The following COL5A2 variants were observed in gnomAD, a reference collection of about 807,000 sequenced individuals.
COL5A2 encodes collagen type V alpha 2 chain, also known as collagen alpha-2(V) chain.
Under a neutral mutation model 208.2 loss-of-function variants are expected in COL5A2, and 23 were observed. The ratio of observed to expected loss-of-function variants is 0.11; its 90% CI spans 0.08 to 0.16. The LOEUF (loss-of-function observed/expected upper bound fraction) is 0.16, where lower values mean the gene tolerates loss of function less well. COL5A2 is among the 10% of genes least tolerant of loss of function. The probability of loss-of-function intolerance (pLI) is 1.00; values close to 1 mark genes in which losing one functional copy is unlikely to be tolerated. For synonymous variants in COL5A2, 625 were observed against 628.5 expected, an observed-to-expected ratio of 0.99 and a Z score of 0.08; for missense variants, 1,590 against 1,956.4, an observed-to-expected ratio of 0.81 and a Z score of 3.53.
chr2:189,076,772 A>AT (rs1686414485), intron 16 of COL5A2, among the ~76,000 whole-genome samples: 1 of 152,128 alleles, frequency 6.6e-6, no homozygotes, highest in Admixed American at 6.6e-5. Flanking sequence ...GCAATAGGAT[A>AT]TGTGGGTCAA....
chr2:189,051,212 A>T, intron 42 of COL5A2, 108 bp downstream of exon 42: 1 of 1,404,034 alleles, frequency 7.1e-7, no homozygotes, highest in Middle Eastern at 1.8e-4. Flanking sequence ...AAATTTTAGG[A>T]ATGTGCCCAG....
intron 18 of COL5A2, among the ~76,000 whole-genome samples, chr2:189,071,675 A>G (rs1467798367): frequency 1.3e-5 from 2 of 152,118 alleles, no homozygotes; most frequent in African/African-American, 4.8e-5. Flanking sequence ...ATTGTTTGGA[A>G]CATTCTGCTG....
At chr2:189,286,205 T>A in the COL5A2 span, among the ~76,000 whole-genome samples, 1 of 152,118 alleles carries the variant, frequency 6.6e-6, no homozygotes, top group Non-Finnish European at 1.5e-5. Context: ...TTTAGTTGCA[T>A]CCTAACTGTC....
the COL5A2 span, among the ~76,000 whole-genome samples, chr2:189,421,959 T>C: frequency 2.0e-5 from 3 of 152,176 alleles, no homozygotes; most frequent in Non-Finnish European, 4.4e-5. Flanking sequence ...AGGACTGCAA[T>C]GGCCACGGTG....
intron 27 of COL5A2, 43 bp from the exon 28 acceptor site, chr2:189,063,106 CA>C: frequency 6.2e-7 from 1 of 1,612,822 alleles, no homozygotes. Flanking sequence ...TTCAATTTGT[CA>C]AAAACATACC....
At chr2:189,397,444 C>A in the COL5A2 span, among the ~76,000 whole-genome samples, 1 of 152,086 alleles carries the variant, frequency 6.6e-6, no homozygotes, top group South Asian at 2.1e-4. Flanking sequence ...CCAGACATTG[C>A]CAACTTTTAA....
intron 1 of COL5A2, among the ~76,000 whole-genome samples, chr2:189,170,870 T>C (rs891403813): frequency 6.6e-6 from 1 of 152,066 alleles, no homozygotes; most frequent in African/African-American, 2.4e-5. Flanking sequence ...TAAATAATGT[T>C]AATAAATTAT....
chr2:189,230,526 G>T, the COL5A2 span, among the ~76,000 whole-genome samples: 1 of 151,778 alleles, frequency 6.6e-6, no homozygotes, highest in Admixed American at 6.6e-5. Context: ...ATGGACAAAT[G>T]ACTTAAATAG....
At chr2:189,235,677 A>T in the COL5A2 span, among the ~76,000 whole-genome samples, 1 of 151,742 alleles carries the variant, frequency 6.6e-6, no homozygotes, top group Non-Finnish European at 1.5e-5. Flanking sequence ...CCATTGTATG[A>T]ACATACCATA....
chr2:189,336,039 A>G, the COL5A2 span, among the ~76,000 whole-genome samples: 1 of 152,182 alleles, frequency 6.6e-6, no homozygotes. Context: ...AGAATTCCTA[A>G]AAATAAACAA....
chr2:189,268,366 G>T, the COL5A2 span, among the ~76,000 whole-genome samples: 1 of 152,112 alleles, frequency 6.6e-6, no homozygotes, highest in African/African-American at 2.4e-5. Flanking sequence ...CTGGCTAACT[G>T]AATATGTGGC....
chr2:189,432,858 C>T, the COL5A2 span, among the ~76,000 whole-genome samples: 2 of 152,146 alleles, frequency 1.3e-5, no homozygotes, highest in East Asian at 3.8e-4. Context: ...AACTCTCCAC[C>T]CCAAATCAAA....
At chr2:189,300,206 C>T in the COL5A2 span, among the ~76,000 whole-genome samples, 1 of 152,108 alleles carries the variant, frequency 6.6e-6, no homozygotes, top group Non-Finnish European at 1.5e-5. Context: ...ACTTTCTTTA[C>T]AAATTATCTT....
At chr2:189,150,584 G>A (rs1559126541) in intron 1 of COL5A2, among the ~76,000 whole-genome samples, 3 of 151,948 alleles carry the variant, frequency 2.0e-5, no homozygotes, top group Admixed American at 1.3e-4. Flanking sequence ...TAATAAAATC[G>A]ACCTAAATCA....
intron 1 of COL5A2, among the ~76,000 whole-genome samples, chr2:189,210,951 A>AT (rs923354313): frequency 3.3e-5 from 5 of 151,682 alleles, no homozygotes; most frequent in Non-Finnish European, 5.9e-5. Flanking sequence ...TTTCCCCAGG[A>AT]TTTTTTTTTA....
chr2:189,182,200 T>C (rs1479114759), upstream of COL5A2, among the ~76,000 whole-genome samples: 5 of 152,200 alleles, frequency 3.3e-5, no homozygotes, highest in African/African-American at 1.2e-4. Context: ...GAACTGATTA[T>C]AGACCTCACT....
chr2:189,199,839 T>C (rs757557597), intron 1 of COL5A2, among the ~76,000 whole-genome samples: 1 of 152,222 alleles, frequency 6.6e-6, no homozygotes, highest in Non-Finnish European at 1.5e-5. Flanking sequence ...CTCCACCAGA[T>C]TTATTCTCCA....
the COL5A2 span, among the ~76,000 whole-genome samples, chr2:189,339,669 TA>T: frequency 6.6e-6 from 1 of 152,116 alleles, no homozygotes; most frequent in African/African-American, 2.4e-5. Flanking sequence ...GAAAGAAATG[TA>T]ACTATGTGTG....
intron 1 of COL5A2, among the ~76,000 whole-genome samples, chr2:189,145,250 A>G (rs1688015171): frequency 6.6e-6 from 1 of 152,182 alleles, no homozygotes; most frequent in South Asian, 2.1e-4. Flanking sequence ...AATTTTACTT[A>G]AATGAGTAAA....
Sources: gnomAD v4.1 joint callset for allele counts (sites outside exome capture counted in the v4.1 genomes callset) on GRCh38, gnomAD v4.1.1 for gene constraint, MANE v1.5 for transcripts, NCBI Gene and HGNC (gene_info 2026-07-23, HGNC 2026-07-21) for gene names.